SUGCT: variants seen among roughly 807,000 people sequenced by gnomAD.
SUGCT encodes succinyl-CoA:glutarate CoA-transferase.
SUGCT carries 41 observed loss-of-function variants against 55.0 expected under a neutral mutation model. The observed-to-expected ratio is 0.74, with a 90% CI of 0.58 to 0.97. SUGCT has a LOEUF of 0.97. Among genes scored for constraint, SUGCT ranks in the 50% least tolerant of loss-of-function variants. The probability of loss-of-function intolerance (pLI) is 0.00; values close to 1 mark genes in which losing one functional copy is unlikely to be tolerated. For missense variants in SUGCT, 568 were observed against 547.8 expected, an observed-to-expected ratio of 1.04 and a Z score of -0.37; for synonymous variants, 187 against 200.4, an observed-to-expected ratio of 0.93 and a Z score of 0.56.
At chr7:40,168,304 C>G (rs574111345) in intron 1 of SUGCT, among the ~76,000 whole-genome samples, 1 of 152,094 alleles carries the variant, frequency 6.6e-6, no homozygotes, top group East Asian at 1.9e-4. Context: ...TGAATTGGGG[C>G]GTAGTAGGGG....
intron 9 of SUGCT, among the ~76,000 whole-genome samples, chr7:40,351,071 G>A (rs531557760): frequency 1.3e-5 from 2 of 151,906 alleles, no homozygotes; most frequent in Non-Finnish European, 2.9e-5. Context: ...TAATGATTTT[G>A]AATGTTTTTT....
intron 9 of SUGCT, among the ~76,000 whole-genome samples, chr7:40,353,262 T>C (rs894484219): frequency 5.3e-5 from 8 of 152,078 alleles, no homozygotes; most frequent in Non-Finnish European, 8.8e-5. Context: ...AGACTTTTTT[T>C]CCCCAAAAGG....
chr7:40,496,357 A>C lies in SUGCT; in HGVS notation c.1060A>C (p.Asn354His). 6.2e-7 allele frequency: 1 copy of C among 1,612,876 alleles called. No individual in the cohort carries two copies. The highest frequency in any genetic ancestry group is 8.5e-7 in the Non-Finnish European group (1 of 1,179,236). Residue 354 changes from asparagine (N) to histidine (H), a missense_variant, in exon 12 of 14, where the codon AAC (asparagine) becomes CAC (histidine). Coordinates refer to ENST00000335693, the MANE Select transcript of SUGCT (RefSeq NM_001193313.2). ...TGGAGTCCCGTATGGCCCAATCAAC[A>C]ACATGAAGAATGTATTTGCAGAACC... The part of the protein sequence containing the change: ...GSGVPYGPIN[N>H]MKNVFAEPQV...
At chr7:40,620,548 A>C (rs1227562329) in intron 12 of SUGCT, among the ~76,000 whole-genome samples, 1 of 151,872 alleles carries the variant, frequency 6.6e-6, no homozygotes, top group Non-Finnish European at 1.5e-5. Flanking sequence ...GATTACAGGC[A>C]CCTGCCACCG....
At chr7:40,793,803 CTT>C (rs960086374) in intron 13 of SUGCT, among the ~76,000 whole-genome samples, 2 of 151,986 alleles carry the variant, frequency 1.3e-5, no homozygotes, top group African/African-American at 2.4e-5. Context: ...TCTTTCATGT[CTT>C]TTAACTTTCA....
chr7:40,189,809 AT>A (rs1562564505), intron 5 of SUGCT, among the ~76,000 whole-genome samples: 1 of 152,154 alleles, frequency 6.6e-6, no homozygotes, highest in African/African-American at 2.4e-5. Context: ...GCTAGCTACT[AT>A]TGACTGAGCA....
intron 12 of SUGCT, among the ~76,000 whole-genome samples, chr7:40,565,992 C>CACACACACACAT (rs1491317958): frequency 2.5e-4 from 22 of 86,652 alleles, no homozygotes; most frequent in African/African-American, 1.2e-3. Context: ...CACACACACA[C>CACACACACACAT]GCACACACAC....
At chr7:40,753,349 A>C (rs1444240258) in intron 13 of SUGCT, among the ~76,000 whole-genome samples, 1 of 152,202 alleles carries the variant, frequency 6.6e-6, no homozygotes, top group Non-Finnish European at 1.5e-5. Context: ...AAAACAAGAA[A>C]CACAAGCTAC....
intron 9 of SUGCT, among the ~76,000 whole-genome samples, chr7:40,330,531 G>T (rs1439494761): frequency 6.6e-6 from 1 of 151,786 alleles, no homozygotes; most frequent in South Asian, 2.1e-4. Flanking sequence ...GTTCTTGAAA[G>T]AAATTACCTG....
intron 12 of SUGCT, among the ~76,000 whole-genome samples, chr7:40,514,888 A>G (rs1255311403): frequency 6.6e-6 from 1 of 152,156 alleles, no homozygotes; most frequent in Non-Finnish European, 1.5e-5. Flanking sequence ...TTTAAAGACC[A>G]TGGAAGTTAT....
intron 6 of SUGCT, among the ~76,000 whole-genome samples, chr7:40,235,029 G>A (rs1213857747): frequency 6.6e-6 from 1 of 152,022 alleles, no homozygotes; most frequent in Non-Finnish European, 1.5e-5. Context: ...AATTATTGAA[G>A]TTGACCGATG....
At position 40,496,312 on chromosome 7, in the gene SUGCT, T is replaced by G. The variant is rs1447539865; in HGVS notation, c.1015T>G (p.Leu339Val). ...TGAAGAAGAACTGACCAGCAAGTGG[T>G]TATATCTTTTTGAAGGCAGTGGAGT... ...RFEEELTSKWLYLFEGSGVPY... is the reference protein window; with the variant it reads ...RFEEELTSKWVYLFEGSGVPY... The change falls in exon 12 of 14, where the codon TTA becomes GTA. Residue 339 changes from leucine (L) to valine (V), a missense_variant. Transcript: ENST00000335693. The G allele has an allele frequency of 2.5e-6, 4 of 1,612,800 alleles. No homozygotes were observed. Among genetic ancestry groups the G allele is most frequent in the Non-Finnish European group, 3.4e-6 (4 of 1,179,348 alleles).
At chr7:40,937,782 T>C in the SUGCT span, among the ~76,000 whole-genome samples, 2 of 152,162 alleles carry the variant, frequency 1.3e-5, no homozygotes, top group Non-Finnish European at 2.9e-5. Context: ...TTTAGCCTAT[T>C]TTTGTCTTGA....
chr7:40,365,048 A>G (rs938026788), intron 9 of SUGCT, among the ~76,000 whole-genome samples: 3 of 152,166 alleles, frequency 2.0e-5, no homozygotes, highest in Non-Finnish European at 4.4e-5. Context: ...GCAGCACATC[A>G]CAAAGCTTAT....
the SUGCT span, among the ~76,000 whole-genome samples, chr7:41,031,603 A>T: frequency 1.3e-5 from 2 of 151,980 alleles, no homozygotes; most frequent in Non-Finnish European, 2.9e-5. Context: ...ACCGTTGCCT[A>T]CCTCCTGTTG....
chr7:40,600,605 T>C (rs1798244043), intron 12 of SUGCT, among the ~76,000 whole-genome samples: 1 of 152,172 alleles, frequency 6.6e-6, no homozygotes, highest in Non-Finnish European at 1.5e-5. Context: ...GATTTGAAAA[T>C]TGAAGCCTCA....
intron 12 of SUGCT, among the ~76,000 whole-genome samples, chr7:40,594,935 T>C (rs892966262): frequency 2.6e-5 from 4 of 152,194 alleles, no homozygotes; most frequent in African/African-American, 9.7e-5. Flanking sequence ...ATTTCTATAA[T>C]AGTTTAGGAG....
At chr7:40,814,278 T>G (rs919650081) in intron 13 of SUGCT, among the ~76,000 whole-genome samples, 2 of 152,202 alleles carry the variant, frequency 1.3e-5, no homozygotes, top group African/African-American at 4.8e-5. Context: ...CTTGAATGAT[T>G]TCCTCAAATT....
chr7:40,413,178 T>C lies in SUGCT; in HGVS notation c.817-36109T>C, dbSNP rs562609676. On this transcript the variant is annotated intron_variant, in intron 9 of 13. Coordinates refer to ENST00000335693, the MANE Select transcript of SUGCT (RefSeq NM_001193313.2). ...AAATTTATATTAGTGACCAAGCAAT[T>C]TGGAGAAGGTGGAGACATGGGACAT... 1.1e-3 allele frequency among the ~76,000 whole-genome samples: 164 copies of C among 152,268 alleles called. 1 individual carries two copies. Among genetic ancestry groups the C allele is most frequent in the African/African-American group, 3.6e-3 (151 of 41,542 alleles).
Sources: gnomAD v4.1 joint callset for allele counts (sites outside exome capture counted in the v4.1 genomes callset) on GRCh38, gnomAD v4.1.1 for gene constraint, MANE v1.5 for transcripts, NCBI Gene and HGNC (gene_info 2026-07-23, HGNC 2026-07-21) for gene names.